SLC35B1: variants seen among roughly 807,000 people sequenced by gnomAD.
SLC35B1 encodes solute carrier family 35 member B1.
SLC35B1 carries 27 observed loss-of-function variants against 36.6 expected under a neutral mutation model. The observed-to-expected ratio is 0.74, with a 90% CI of 0.54 to 1.02. The LOEUF (loss-of-function observed/expected upper bound fraction) is 1.02. Ranked by LOEUF, SLC35B1 falls within the 50% of genes least tolerant of loss-of-function variation. The pLI is 0.00. For missense variants in SLC35B1, 321 were observed against 383.2 expected (o/e 0.84, Z 1.35); for synonymous variants, 162 against 152.5 (o/e 1.06, Z -0.46).
Position 49,707,829 on chromosome 17 carries a change from G to T in SLC35B1, c.5C>A (p.Ala2Asp). Residue 2 changes from alanine (A) to aspartate (D), a missense_variant, in exon 1 of 9, where the codon GCC (alanine) becomes GAC (aspartate). By Grantham distance (126) the Ala-to-Asp change is moderately radical. Coordinates refer to ENST00000240333, the MANE Select transcript of SLC35B1 (RefSeq NM_005827.4). MASSSSLVPDRL... is the reference protein window; with the variant it reads MDSSSSLVPDRL... ...GTCGGGCACCAGGGAGCTGCTAGAG[G>T]CCATGAGACGCCCAGAGGAGCCGAC... The T allele has an allele frequency of 6.2e-7, 1 of 1,611,860 alleles. No individual in the cohort carries two copies. Among genetic ancestry groups the T allele is most frequent in the Middle Eastern group, 2.2e-4 (1 of 4,594 alleles).
intron 5 of SLC35B1, 99 bp from the exon 6 acceptor site, chr17:49,704,325 C>G (rs2073388675): frequency 2.1e-6 from 3 of 1,462,084 alleles, no homozygotes; most frequent in Non-Finnish European, 2.8e-6. Flanking sequence ...TGGAAAGCCA[C>G]TGCCTTTAAA....
At position 49,705,107 on chromosome 17, in the gene SLC35B1, C is replaced by T; in HGVS notation, c.528+17G>A. The T allele has an allele frequency of 6.2e-7, 1 of 1,613,404 alleles. No homozygotes were observed. Among genetic ancestry groups the T allele is most frequent in the Non-Finnish European group, 8.5e-7 (1 of 1,179,562 alleles). On this transcript the variant is annotated intron_variant, in intron 5 of 8. Transcript: ENST00000240333. ...AGTTTGCTGGAAAAGGGTGCCTTCC[C>T]CAACAGGATCTCATACCAAGAGTAG...
intron 4 of SLC35B1, 58 bp from the exon 5 acceptor site, chr17:49,705,339 A>G (rs1375975506): frequency 2.6e-6 from 4 of 1,514,600 alleles, no homozygotes; most frequent in Admixed American, 1.9e-5. Flanking sequence ...GATGACCCCA[A>G]TGCCCTCCCT....
intron 1 of SLC35B1, 77 bp from the exon 2 acceptor site, chr17:49,707,145 C>T: frequency 7.0e-7 from 1 of 1,428,948 alleles, no homozygotes; most frequent in Non-Finnish European, 9.8e-7. Flanking sequence ...TCCCGAGCCA[C>T]TGAAAACTTT....
Position 49,707,879 on chromosome 17 carries a change from C to G in SLC35B1, c.-46G>C, listed in dbSNP as rs1201546865. On this transcript the variant is annotated 5_prime_UTR_variant, in exon 1 of 9. Coordinates refer to ENST00000240333, the MANE Select transcript of SLC35B1 (RefSeq NM_005827.4). ...CTGGAGACCCGCTCACAACCGGCAC[C>G]GGCAGCAGCGGCGGCGGAGGCGACA... 1 of 1,605,556 alleles carries G rather than the reference C, an allele frequency of 6.2e-7. No individual in the cohort carries two copies. The highest frequency in any genetic ancestry group is 1.1e-5 in the South Asian group (1 of 90,426).
chr17:49,704,454 C>T (rs1025726980), intron 5 of SLC35B1, among the ~76,000 whole-genome samples: 1 of 147,262 alleles, frequency 6.8e-6, no homozygotes, highest in East Asian at 2.1e-4. Flanking sequence ...AACTGAGCTA[C>T]GTAGTGATTT....
intron 2 of SLC35B1, 33 bp from the exon 3 acceptor site, chr17:49,706,367 A>G: frequency 8.5e-7 from 1 of 1,174,438 alleles, no homozygotes; most frequent in Non-Finnish European, 1.1e-6. Flanking sequence ...AAAAAAAAAG[A>G]AAAGAAAAGA....
chr17:49,701,422 T>G lies in SLC35B1; in HGVS notation c.*36A>C. On this transcript the variant is annotated 3_prime_UTR_variant, in exon 9 of 9. Transcript: ENST00000240333. Reference sequence around the variant, plus strand: ...AGATGTCACTGTTTGAGATAATAACTTAAATATTCTTGATGTGGAGGTAGT... The same window carrying G: ...AGATGTCACTGTTTGAGATAATAACGTAAATATTCTTGATGTGGAGGTAGT... The G allele has an allele frequency of 6.5e-6, 10 of 1,543,398 alleles. No individual in the cohort carries two copies. Among genetic ancestry groups the G allele is most frequent in the Non-Finnish European group, 9.0e-6 (10 of 1,115,992 alleles).
At chr17:49,706,454 C>T (rs866823377) in intron 2 of SLC35B1, 120 bp from the exon 3 acceptor site, 7 of 949,220 alleles carry the variant, frequency 7.4e-6, no homozygotes, top group Middle Eastern at 7.2e-4. Context: ...ATGAAAGGAA[C>T]TTGTCTGTCA....
chr17:49,701,405 C>T lies in SLC35B1; in HGVS notation c.*53G>A. On this transcript the variant is annotated 3_prime_UTR_variant, in exon 9 of 9. Coordinates refer to ENST00000240333, the MANE Select transcript of SLC35B1 (RefSeq NM_005827.4). ...AAGTCCATTTTCCCAAGAGATGTCA[C>T]TGTTTGAGATAATAACTTAAATATT... The T allele has an allele frequency of 7.2e-7, 1 of 1,389,590 alleles. No homozygotes were observed. Among genetic ancestry groups the T allele is most frequent in the Non-Finnish European group, 1.0e-6 (1 of 976,440 alleles). 86.1% of individuals were successfully genotyped at this position (1,389,590 alleles called of 1,614,324 possible).
chr17:49,707,439 C>A, intron 1 of SLC35B1: 1 of 1,459,566 alleles, frequency 6.9e-7, no homozygotes, highest in Non-Finnish European at 9.1e-7. Flanking sequence ...GGGGCCGACT[C>A]GGGTCCTGTT....
intron 8 of SLC35B1, chr17:49,701,723 T>C (rs1425282963): frequency 1.9e-6 from 1 of 512,880 alleles, no homozygotes; most frequent in Non-Finnish European, 3.5e-6. Flanking sequence ...TATAAATATA[T>C]CTATATAGAG....
rs763231303 is a variant in SLC35B1, at chr17:49,702,943, C to T, written c.831G>A (p.Lys277=). Residue 277 remains lysine, a synonymous_variant, in exon 8 of 9, where the codon AAG becomes AAA. Transcript: ENST00000240333. ...LTCSIITTTR[K]FFTILASVIL... ...TCACAGAGGCCAAAATTGTGAAGAACTTTCGAGTTGTAGTGATGATGGAGC... is the reference window on the plus strand; with the variant it reads ...TCACAGAGGCCAAAATTGTGAAGAATTTTCGAGTTGTAGTGATGATGGAGC... 4.6e-5 allele frequency: 75 copies of T among 1,613,956 alleles called. No homozygotes were observed. The highest frequency in any genetic ancestry group is 6.2e-5 in the Non-Finnish European group (73 of 1,180,024).
rs2073396470 is a variant in SLC35B1 at position 49,704,936 on chromosome 17, T to C, written c.528+188A>G. ...CTTCTCCAGAATGAGAGCTGAGTTGTAGTTAAATATTTCAGGTTTCCCACT... is the reference window on the plus strand; with the variant it reads ...CTTCTCCAGAATGAGAGCTGAGTTGCAGTTAAATATTTCAGGTTTCCCACT... On this transcript the variant is annotated intron_variant, in intron 5 of 8. Transcript: ENST00000240333. The C allele has an allele frequency of 5.5e-6, 3 of 543,462 alleles. No homozygotes were observed. The Admixed American group carries it at 1.0e-4, about 18-fold the overall frequency. 33.7% of individuals were successfully genotyped at this position (543,462 alleles called of 1,614,324 possible). A position where few individuals can be genotyped will look rare whatever the true frequency, so the allele number is the denominator to read the frequency against.
At position 49,703,126 on chromosome 17, in the gene SLC35B1, T is replaced by C. The variant is rs182105211; in HGVS notation, c.762+62A>G. Reference sequence around the variant, plus strand: ...CACCCTCTTCTTCCAGCCAGGCCAGTCTTTCTTAGGGAACCAGCTGCCAGA... The same window carrying C: ...CACCCTCTTCTTCCAGCCAGGCCAGCCTTTCTTAGGGAACCAGCTGCCAGA... On this transcript the variant is annotated intron_variant, in intron 7 of 8. Transcript: ENST00000240333. 248 of 1,589,284 alleles carry C rather than the reference T, an allele frequency of 1.6e-4. 3 individuals are homozygous for C. The East Asian group carries it at 4.5e-3, about 29-fold the overall frequency.
rs747291272 is a variant in SLC35B1, at chr17:49,701,068, C to G, written c.*390G>C. 1 of 170,610 alleles carries G rather than the reference C, an allele frequency of 5.9e-6. No homozygotes were observed. Among genetic ancestry groups the G allele is most frequent in the Non-Finnish European group, 1.3e-5 (1 of 79,076 alleles). 10.6% of individuals were successfully genotyped at this position (170,610 alleles called of 1,614,324 possible). ...TGGGACCAGCTCTAACGGGACAAGCCTCACCCATCGGAACAGAAGCCATTA... is the reference window on the plus strand; with the variant it reads ...TGGGACCAGCTCTAACGGGACAAGCGTCACCCATCGGAACAGAAGCCATTA... On this transcript the variant is annotated 3_prime_UTR_variant, in exon 9 of 9. Transcript: ENST00000240333.
chr17:49,705,775 G>T, intron 4 of SLC35B1, 91 bp downstream of exon 4: 1 of 1,262,784 alleles, frequency 7.9e-7, no homozygotes, highest in Non-Finnish European at 1.2e-6. Context: ...ATGATGGGAT[G>T]ATGAAGCCGA....
chr17:49,701,611 G>A, intron 8 of SLC35B1, 101 bp from the exon 9 acceptor site: 1 of 876,650 alleles, frequency 1.1e-6, no homozygotes, highest in Non-Finnish European at 1.9e-6. Context: ...TCCAAAATGG[G>A]GGCTTTAAAT....
At position 49,704,015 on chromosome 17, in the gene SLC35B1, G is replaced by A. The variant is rs757265711; in HGVS notation, c.655+85C>T. The A allele has an allele frequency of 1.2e-5, 19 of 1,580,858 alleles. No homozygotes were observed. The Admixed American group carries it at 1.8e-4, about 15-fold the overall frequency. ...GAACTAATTCAGGCCCTTGGTCTGG[G>A]CAACTAACAGCTAGAGGGATCAAAA... On this transcript the variant is annotated intron_variant, in intron 6 of 8. Transcript: ENST00000240333.
Sources: gnomAD v4.1 joint callset for allele counts (sites outside exome capture counted in the v4.1 genomes callset) on GRCh38, gnomAD v4.1.1 for gene constraint, MANE v1.5 for transcripts, NCBI Gene and HGNC (gene_info 2026-07-23, HGNC 2026-07-21) for gene names.